Variants in PAICS observed in about 807,000 individuals in gnomAD.
The protein encoded by PAICS is phosphoribosylaminoimidazole carboxylase and phosphoribosylaminoimidazolesuccinocarboxamide synthase.
A neutral mutation model predicts 53.7 loss-of-function variants in PAICS; 33 were observed. That is an observed-to-expected ratio of 0.61 (90% CI 0.47 to 0.82). The LOEUF is 0.82. Ranked by LOEUF, PAICS falls within the 40% of genes least tolerant of loss-of-function variation. The pLI, the probability that PAICS is intolerant of heterozygous loss-of-function variation, is 0.00. For missense variants in PAICS, 394 were observed against 494.1 expected, an observed-to-expected ratio of 0.80 and a Z score of 1.92; for synonymous variants, 141 against 167.2, an observed-to-expected ratio of 0.84 and a Z score of 1.21.
rs1719533230 is a variant in PAICS, at chr4:56,462,011, G to T, written c.*2473G>T. 6.6e-6 allele frequency: 1 copy of T among 152,154 alleles called. No homozygotes were observed. Among genetic ancestry groups the T allele is most frequent in the African/African-American group, 2.4e-5 (1 of 41,428 alleles). The allele number at this position is 152,154 out of a possible 1,614,324, so 9.4% of individuals were successfully genotyped here. A position where few individuals can be genotyped will look rare whatever the true frequency, so the allele number is the denominator to read the frequency against. On this transcript the variant is annotated 3_prime_UTR_variant, in exon 9 of 9. Transcript: ENST00000512576. ...CACCCAATACTGGTTTGATTCTAGGGCCTAGGAAAATAGGACTGAGCAAAG... is the reference window on the plus strand; with the variant it reads ...CACCCAATACTGGTTTGATTCTAGGTCCTAGGAAAATAGGACTGAGCAAAG...
the PAICS span, among the ~76,000 whole-genome samples, chr4:56,427,740 T>G: frequency 6.6e-6 from 1 of 152,122 alleles, no homozygotes; most frequent in Non-Finnish European, 1.5e-5. Flanking sequence ...GAAAGCATTG[T>G]GGAGTATGCC....
At chr4:56,436,095 C>A, upstream of PAICS, 1 of 1,478,088 alleles carries the variant, frequency 6.8e-7, no homozygotes, top group African/African-American at 1.4e-5. Context: ...GCCTGCGCGG[C>A]GGGAAGCCAG....
the PAICS span, chr4:56,422,481 ACGTGTGTG>A: frequency 1.3e-5 from 1 of 77,444 alleles, no homozygotes; most frequent in East Asian, 3.7e-4. Context: ...TTTTTTTTGT[ACGTGTGTG>A]TGTGTGTGTG....
chr4:56,436,490 A>G, intron 1 of PAICS, 162 bp downstream of exon 1: 1 of 723,280 alleles, frequency 1.4e-6, no homozygotes, highest in South Asian at 1.5e-5. Flanking sequence ...GGCCTCCCCG[A>G]ACTTTACTGC....
Position 56,464,177 on chromosome 4 carries a change from T to C in PAICS, c.*4639T>C, listed in dbSNP as rs2110106551. ...CTTCACCTCCATTTTGCAGAGCCAATTTCTCATAATCTGTACATATCCTAT... is the reference window on the plus strand; with the variant it reads ...CTTCACCTCCATTTTGCAGAGCCAACTTCTCATAATCTGTACATATCCTAT... On this transcript the variant is annotated 3_prime_UTR_variant, in exon 9 of 9. Coordinates refer to ENST00000512576, the MANE Select transcript of PAICS (RefSeq NM_001079524.2). 1 of 152,390 alleles carries C rather than the reference T, an allele frequency of 6.6e-6. No homozygotes were observed. Among genetic ancestry groups the C allele is most frequent in the East Asian group, 1.9e-4 (1 of 5,190 alleles). The allele number at this position is 152,390 out of a possible 1,614,324, so 9.4% of individuals were successfully genotyped here.
chr4:56,459,741 C>G lies in PAICS; in HGVS notation c.*203C>G. The G allele has an allele frequency of 2.1e-6, 1 of 477,816 alleles. No individual in the cohort carries two copies. Among genetic ancestry groups the G allele is most frequent in the Non-Finnish European group, 3.7e-6 (1 of 266,818 alleles). 29.6% of individuals were successfully genotyped at this position (477,816 alleles called of 1,614,324 possible). ...TAGGCTAGACACCAAGATATTTCAG[C>G]CAGCCTTTATCATTCCTCTTACTTT... On this transcript the variant is annotated 3_prime_UTR_variant, in exon 9 of 9. Transcript: ENST00000512576.
In PAICS at chr4:56,448,749, C is replaced by T. The variant is rs1387117115; in HGVS notation, c.613C>T (p.Leu205Phe). 1.3e-6 allele frequency: 2 copies of T among 1,598,226 alleles called. No homozygotes were observed. The highest frequency in any genetic ancestry group is 1.7e-6 in the Non-Finnish European group (2 of 1,171,128). ...TGATGTAACCACCAAAGAAATTGTTCTTGCTGATGTTATTGACAATGATTC... is the reference window on the plus strand; with the variant it reads ...TGATGTAACCACCAAAGAAATTGTTTTTGCTGATGTTATTGACAATGATTC... Reference protein sequence around the residue: ...GVDVTTKEIVLADVIDNDSWR... With the variant: ...GVDVTTKEIVFADVIDNDSWR... Residue 205 changes from leucine to phenylalanine, a missense_variant, in exon 5 of 9, where the codon CTT becomes TTT. Physicochemically the swap from Leu to Phe is conservative, Grantham distance 22. Coordinates refer to ENST00000512576, the MANE Select transcript of PAICS (RefSeq NM_001079524.2).
the PAICS span, among the ~76,000 whole-genome samples, chr4:56,411,373 T>C: frequency 9.8e-5 from 15 of 152,386 alleles, no homozygotes; most frequent in East Asian, 2.9e-3. Context: ...ATAACTGTTC[T>C]ACACTATTTC....
rs1215954635 is a variant in PAICS, at chr4:56,463,651, C to A, written c.*4113C>A. 6.7e-6 allele frequency: 1 copy of A among 149,088 alleles called. No homozygotes were observed. The highest frequency in any genetic ancestry group is 1.5e-5 in the Non-Finnish European group (1 of 67,870). The allele number at this position is 149,088 out of a possible 1,614,324, so 9.2% of individuals were successfully genotyped here. ...GAGGTTGTGGTGAGCTGAGATCGAA[C>A]CATTGCACTCCAGCCTGGGCAACAA... On this transcript the variant is annotated 3_prime_UTR_variant, in exon 9 of 9. Transcript: ENST00000512576.
At chr4:56,410,768 A>G in the PAICS span, 159 of 987,452 alleles carry the variant, frequency 1.6e-4, no homozygotes, top group African/African-American at 2.7e-3. Context: ...CAGCTCTAAA[A>G]CTATGAAGTT....
the PAICS span, chr4:56,411,032 G>A: frequency 3.1e-6 from 2 of 652,360 alleles, no homozygotes; most frequent in Non-Finnish European, 3.8e-6. Flanking sequence ...TCAAGACTGT[G>A]GAAAAATAAC....
At chr4:56,458,616 T>G (rs979648103) in intron 8 of PAICS, among the ~76,000 whole-genome samples, 3 of 152,230 alleles carry the variant, frequency 2.0e-5, no homozygotes, top group African/African-American at 7.2e-5. Flanking sequence ...ATTAGTAAAT[T>G]GGCCTTGTGA....
At chr4:56,427,435 A>C in the PAICS span, among the ~76,000 whole-genome samples, 2 of 152,216 alleles carry the variant, frequency 1.3e-5, no homozygotes, top group Non-Finnish European at 2.9e-5. Flanking sequence ...GTTTTCCACC[A>C]TGACTTCACC....
chr4:56,428,124 C>G, the PAICS span, among the ~76,000 whole-genome samples: 3 of 152,140 alleles, frequency 2.0e-5, 1 homozygote, highest in Non-Finnish European at 4.4e-5. Flanking sequence ...TTTCTTTTGA[C>G]TCATATTGAA....
chr4:56,437,257 GT>G (rs1718057709), intron 1 of PAICS, among the ~76,000 whole-genome samples: 2 of 11,030 alleles, frequency 1.8e-4, no homozygotes, highest in East Asian at 1.2e-3. Flanking sequence ...TGCCATGATG[GT>G]GTGTGTGTGT....
chr4:56,447,011 A>G (rs1477348962), intron 3 of PAICS, 138 bp downstream of exon 3: 3 of 464,724 alleles, frequency 6.5e-6, no homozygotes, highest in African/African-American at 6.1e-5. Flanking sequence ...AATTTGTCTT[A>G]TCTAGTTGCC....
the PAICS span, among the ~76,000 whole-genome samples, chr4:56,429,448 G>T: frequency 6.6e-6 from 1 of 152,046 alleles, no homozygotes; most frequent in South Asian, 2.1e-4. Context: ...CCTAATAATG[G>T]GAGCTGTAAT....
At chr4:56,435,502 G>A (rs745970882), upstream of PAICS, 4 of 1,612,670 alleles carry the variant, frequency 2.5e-6, no homozygotes, top group Admixed American at 1.7e-5. Context: ...CACGTGGAAG[G>A]ACCTGCCGCT....
At chr4:56,442,623 A>G (rs1171913444) in intron 2 of PAICS, among the ~76,000 whole-genome samples, 1 of 152,168 alleles carries the variant, frequency 6.6e-6, no homozygotes, top group Non-Finnish European at 1.5e-5. Context: ...GGATCATTCA[A>G]CCTACGAAAC....
Sources: gnomAD v4.1 joint callset for allele counts (sites outside exome capture counted in the v4.1 genomes callset) on GRCh38, gnomAD v4.1.1 for gene constraint, MANE v1.5 for transcripts, NCBI Gene and HGNC (gene_info 2026-07-23, HGNC 2026-07-21) for gene names.